Variants in TMEM232 observed in about 807,000 individuals in gnomAD.
TMEM232 encodes transmembrane protein 232.
TMEM232 carries 80 observed loss-of-function variants against 78.8 expected under a neutral mutation model. The observed-to-expected ratio is 1.01, with a 90% CI of 0.85 to 1.22. TMEM232 has a LOEUF of 1.22. Ranked by LOEUF, TMEM232 falls within the 50% of genes most tolerant of loss-of-function variation. The probability of loss-of-function intolerance (pLI) is 0.00; values close to 1 mark genes in which losing one functional copy is unlikely to be tolerated. For synonymous variants in TMEM232, 297 were observed against 254.3 expected (o/e 1.17, Z -1.60); for missense variants, 881 against 742.2 (o/e 1.19, Z -2.17).
At chr5:110,526,176 G>C (rs899221399) in intron 12 of TMEM232, among the ~76,000 whole-genome samples, 3 of 148,020 alleles carry the variant, frequency 2.0e-5, no homozygotes, top group Non-Finnish European at 4.5e-5. Context: ...TTCATAAATA[G>C]AACAAAAAAA....
At chr5:110,457,242 A>G (rs984728458) in intron 12 of TMEM232, among the ~76,000 whole-genome samples, 1 of 152,142 alleles carries the variant, frequency 6.6e-6, no homozygotes, top group African/African-American at 2.4e-5. Context: ...ATAAAGATGT[A>G]TGGATGCTGA....
chr5:110,572,953 G>A (rs1292154283), intron 10 of TMEM232, among the ~76,000 whole-genome samples: 4 of 152,056 alleles, frequency 2.6e-5, no homozygotes, highest in African/African-American at 9.7e-5. Flanking sequence ...TGTAGCATAA[G>A]GCACTCTTCT....
chr5:110,544,835 C>T (rs537887585), intron 11 of TMEM232, among the ~76,000 whole-genome samples: 48 of 152,120 alleles, frequency 3.2e-4, no homozygotes, highest in Admixed American at 9.2e-4. Flanking sequence ...GTCACTGGAC[C>T]ATTTTATTGC....
intron 11 of TMEM232, among the ~76,000 whole-genome samples, chr5:110,544,265 A>G (rs946064393): frequency 5.3e-5 from 8 of 152,176 alleles, no homozygotes; most frequent in African/African-American, 1.9e-4. Context: ...AAAATTGGAA[A>G]AGTAGTATTC....
In TMEM232 at chr5:110,481,304, C is replaced by T. The variant is rs959761086; in HGVS notation, c.1703+47284G>A. 2.0e-5 allele frequency among the ~76,000 whole-genome samples: 3 copies of T among 151,988 alleles called. No homozygotes were observed. The South Asian group carries it at 6.2e-4, about 31-fold the overall frequency. ...TATTATTTCATTAAAAAGACAAATA[C>T]GACAAAAGGAAAAGCAACATAAGTC... On this transcript the variant is annotated intron_variant, in intron 12 of 13. Transcript: ENST00000455884.
intron 1 of TMEM232, among the ~76,000 whole-genome samples, chr5:110,683,741 T>C (rs1793048898): frequency 6.6e-6 from 1 of 151,820 alleles, no homozygotes; most frequent in Admixed American, 6.6e-5. Context: ...TGTGGCAGTA[T>C]GGGAAAGGGT....
intron 8 of TMEM232, among the ~76,000 whole-genome samples, chr5:110,613,752 A>T (rs1782589959): frequency 6.6e-6 from 1 of 152,106 alleles, no homozygotes; most frequent in Non-Finnish European, 1.5e-5. Context: ...AATATTAAAG[A>T]TTCTCTAGAA....
intron 12 of TMEM232, among the ~76,000 whole-genome samples, chr5:110,465,322 T>G (rs1175022043): frequency 6.6e-6 from 1 of 152,222 alleles, no homozygotes; most frequent in East Asian, 1.9e-4. Flanking sequence ...CATGTTCAAC[T>G]TCTTAAGCCA....
chr5:110,588,072 C>A (rs938555736), intron 10 of TMEM232, among the ~76,000 whole-genome samples: 9 of 152,026 alleles, frequency 5.9e-5, no homozygotes, highest in Non-Finnish European at 1.2e-4. Flanking sequence ...AATAGAATAT[C>A]ATTAAAAGAT....
chr5:110,619,887 G>T (rs140259230), intron 7 of TMEM232, among the ~76,000 whole-genome samples: 1 of 151,664 alleles, frequency 6.6e-6, no homozygotes, highest in Admixed American at 6.6e-5. Flanking sequence ...TGCATGTTGT[G>T]CACATGTACC....
chr5:110,707,700 C>T (rs916647282), intron 1 of TMEM232, among the ~76,000 whole-genome samples: 1 of 152,184 alleles, frequency 6.6e-6, no homozygotes, highest in Non-Finnish European at 1.5e-5. Context: ...GGAATGCTTG[C>T]TTCAACCCTC....
At chr5:110,453,842 A>G (rs536629706) in intron 12 of TMEM232, among the ~76,000 whole-genome samples, 27 of 151,718 alleles carry the variant, frequency 1.8e-4, no homozygotes, top group Admixed American at 4.0e-4. Context: ...AAAAAAAAAG[A>G]CCAATGTTAT....
intron 12 of TMEM232, among the ~76,000 whole-genome samples, chr5:110,438,793 A>C (rs936064225): frequency 1.3e-5 from 2 of 152,096 alleles, no homozygotes; most frequent in Non-Finnish European, 2.9e-5. Flanking sequence ...GAGCCATCTA[A>C]TTCTTCGGTA....
At chr5:110,727,379 A>C (rs1306590335), upstream of TMEM232, among the ~76,000 whole-genome samples, 2 of 152,208 alleles carry the variant, frequency 1.3e-5, no homozygotes, top group Non-Finnish European at 2.9e-5. Context: ...TGGGAGGCCA[A>C]GGTGGGCGGA....
At chr5:110,527,047 C>T (rs1770708380) in intron 12 of TMEM232, among the ~76,000 whole-genome samples, 1 of 151,580 alleles carries the variant, frequency 6.6e-6, no homozygotes. Context: ...TTTATAGACC[C>T]TGAAAGGATA....
upstream of TMEM232, among the ~76,000 whole-genome samples, chr5:110,730,699 C>T (rs185925036): frequency 3.3e-5 from 5 of 152,192 alleles, no homozygotes; most frequent in East Asian, 3.9e-4. Flanking sequence ...TTCACCATCA[C>T]GAGAATAGCA....
At chr5:110,709,924 C>G (rs986585791) in intron 1 of TMEM232, among the ~76,000 whole-genome samples, 6 of 150,774 alleles carry the variant, frequency 4.0e-5, no homozygotes, top group African/African-American at 1.5e-4. Context: ...AAGATTACAG[C>G]AAAAATAAGT....
intron 7 of TMEM232, among the ~76,000 whole-genome samples, chr5:110,620,928 T>C (rs1366828150): frequency 2.8e-5 from 4 of 144,882 alleles, no homozygotes; most frequent in Non-Finnish European, 6.0e-5. Flanking sequence ...GATGGCGTGA[T>C]CTTGGCTCAC....
At chr5:110,523,968 G>C (rs1412335374) in intron 12 of TMEM232, among the ~76,000 whole-genome samples, 3 of 94,638 alleles carry the variant, frequency 3.2e-5, no homozygotes, top group Admixed American at 2.0e-4. Flanking sequence ...AAAAAAAAAG[G>C]GGGGGGGGCG....
Sources: allele counts gnomAD v4.1 joint callset (sites outside exome capture counted in the v4.1 genomes callset), GRCh38; gene constraint gnomAD v4.1.1; transcripts MANE v1.5; gene names NCBI Gene and HGNC (gene_info 2026-07-23, HGNC 2026-07-21).